The following SPON1 variants were observed in gnomAD, a reference collection of about 807,000 sequenced individuals.
SPON1 encodes spondin-1.
SPON1 carries 52 observed loss-of-function variants against 111.7 expected under a neutral mutation model. That is an observed-to-expected ratio of 0.47 (90% CI 0.37 to 0.59). The LOEUF is 0.59. SPON1 is among the 20% of genes least tolerant of loss of function. The pLI is 0.00. For missense variants in SPON1, 957 were observed against 1,068.5 expected (o/e 0.90, Z 1.46); for synonymous variants, 410 against 395.8 (o/e 1.04, Z -0.43).
chr11:14,107,590 G>GAAAAAAAAAAAAAA (rs3047369), intron 5 of SPON1, among the ~76,000 whole-genome samples: 6 of 119,268 alleles, frequency 5.0e-5, no homozygotes, highest in Non-Finnish European at 8.8e-5. Flanking sequence ...AGATCCTCAG[G>GAAAAAAAAAAAAAA]AAAAAAAAAA....
chr11:14,062,944 C>T (rs1322785519), intron 3 of SPON1, among the ~76,000 whole-genome samples: 1 of 152,032 alleles, frequency 6.6e-6, no homozygotes, highest in East Asian at 1.9e-4. Flanking sequence ...GTGGCAACTA[C>T]CTGGTTTTGC....
chr11:13,987,176 A>T (rs1372202338), intron 2 of SPON1, among the ~76,000 whole-genome samples: 1 of 152,214 alleles, frequency 6.6e-6, no homozygotes, highest in Non-Finnish European at 1.5e-5. Context: ...TTACACTCCC[A>T]CCAACAGTGT....
At chr11:14,261,138 C>G (rs1849166455) in intron 14 of SPON1, among the ~76,000 whole-genome samples, 1 of 152,266 alleles carries the variant, frequency 6.6e-6, no homozygotes, top group South Asian at 2.1e-4. Context: ...TTCCCCATGA[C>G]CAGAGGCTGG....
At chr11:13,965,471 T>A (rs1848009230) in intron 1 of SPON1, among the ~76,000 whole-genome samples, 1 of 152,116 alleles carries the variant, frequency 6.6e-6, no homozygotes, top group Admixed American at 6.5e-5. Flanking sequence ...CCAAAGAGGT[T>A]TCAGAACTAC....
chr11:14,005,929 G>A (rs1848357425), intron 2 of SPON1, among the ~76,000 whole-genome samples: 1 of 152,022 alleles, frequency 6.6e-6, no homozygotes, highest in Admixed American at 6.5e-5. Context: ...TGGAAAAGGG[G>A]AATAATAATA....
chr11:14,172,634 T>C (rs1332411006), intron 6 of SPON1, among the ~76,000 whole-genome samples: 1 of 151,974 alleles, frequency 6.6e-6, no homozygotes, highest in East Asian at 1.9e-4. Context: ...CTGGTACCAG[T>C]TGTTCCTTTC....
chr11:14,091,645 C>A (rs1849059018), intron 5 of SPON1, among the ~76,000 whole-genome samples: 1 of 152,206 alleles, frequency 6.6e-6, no homozygotes, highest in Non-Finnish European at 1.5e-5. Context: ...CAAGCCCACG[C>A]CCACCCAGAA....
chr11:14,010,041 C>G (rs1564885003), intron 2 of SPON1, among the ~76,000 whole-genome samples: 1 of 152,164 alleles, frequency 6.6e-6, no homozygotes, highest in Non-Finnish European at 1.5e-5. Context: ...AGCATACTGT[C>G]TGACACACAG....
intron 7 of SPON1, among the ~76,000 whole-genome samples, chr11:14,245,782 G>A (rs1848982747): frequency 6.6e-6 from 1 of 152,182 alleles, no homozygotes; most frequent in Non-Finnish European, 1.5e-5. Flanking sequence ...GCTCACACCA[G>A]GGCAGGAGAA....
chr11:14,070,280 CAGT>C (rs1848865089), intron 3 of SPON1, among the ~76,000 whole-genome samples: 1 of 152,170 alleles, frequency 6.6e-6, no homozygotes, highest in East Asian at 1.9e-4. Context: ...AAGAAATATT[CAGT>C]AATAAGGATT....
chr11:14,030,627 G>A (rs1420965155), intron 2 of SPON1, among the ~76,000 whole-genome samples: 2 of 152,220 alleles, frequency 1.3e-5, no homozygotes, highest in Non-Finnish European at 2.9e-5. Context: ...TGCTAGTTCA[G>A]AGACATGCAA....
At chr11:14,129,231 C>T (rs1847499019) in intron 5 of SPON1, among the ~76,000 whole-genome samples, 1 of 152,154 alleles carries the variant, frequency 6.6e-6, no homozygotes, top group Non-Finnish European at 1.5e-5. Context: ...GCCCTGCTTC[C>T]CTTTTAAACA....
chr11:14,138,557 T>TG, intron 6 of SPON1, among the ~76,000 whole-genome samples: 1 of 151,586 alleles, frequency 6.6e-6, no homozygotes, highest in Non-Finnish European at 1.5e-5. Context: ...CCAGGACACC[T>TG]GGGGACTGGG....
At chr11:14,042,943 A>G (rs1591359713) in intron 3 of SPON1, among the ~76,000 whole-genome samples, 1 of 152,164 alleles carries the variant, frequency 6.6e-6, no homozygotes, top group Non-Finnish European at 1.5e-5. Flanking sequence ...TTCTTAGTTT[A>G]ATGCAAGCTG....
At chr11:14,038,034 C>G (rs1055990708) in intron 2 of SPON1, among the ~76,000 whole-genome samples, 1 of 150,420 alleles carries the variant, frequency 6.6e-6, no homozygotes, top group Non-Finnish European at 1.5e-5. Context: ...GGTGTAGTGG[C>G]ACACACCTGT....
intron 3 of SPON1, among the ~76,000 whole-genome samples, chr11:14,073,545 C>A (rs1554921125): frequency 6.6e-6 from 1 of 152,190 alleles, no homozygotes; most frequent in African/African-American, 2.4e-5. Flanking sequence ...CTGTCTCCTC[C>A]CTTCCACTTG....
chr11:14,135,031 C>G lies in SPON1; in HGVS notation c.677-389C>G, dbSNP rs1183332207. The stretch of plus-strand genomic sequence containing the variant: ...GAATGCACCCAATCTTGTCTGATCT[C>G]AGAAGCTAAGCAGGGTCAAGCCTGG... On this transcript the variant is annotated intron_variant, in intron 5 of 15. Transcript: ENST00000576479. The surrounding 1 kb of genome is among the most constrained non-coding windows in gnomAD (Gnocchi z 4.4). 1 of 160,840 alleles carries G rather than the reference C, an allele frequency of 6.2e-6. No homozygotes were observed. The highest frequency in any genetic ancestry group is 1.4e-5 in the Non-Finnish European group (1 of 73,502). The allele number at this position is 160,840 out of a possible 1,614,324, so 10.0% of individuals were successfully genotyped here. A position where few individuals can be genotyped will look rare whatever the true frequency, so the allele number is the denominator to read the frequency against.
rs1554907648 is a variant in SPON1 at position 13,962,975 on chromosome 11, C to T, written c.71C>T (p.Ala24Val). The T allele has an allele frequency of 5.6e-6, 9 of 1,593,792 alleles. No homozygotes were observed. The highest frequency in any genetic ancestry group is 7.7e-6 in the Non-Finnish European group (9 of 1,171,802). The change falls in exon 1 of 16, where the codon GCC (alanine) becomes GTC (valine). Residue 24 changes from alanine (A) to valine (V), a missense_variant. By Grantham distance (64) the Ala-to-Val change is moderately conservative. Transcript: ENST00000576479. ...CTGCTGGCCCTGGCGCTGCCCCTGG[C>T]CGCGGCGCTGGCCTTCTCCGACGAG... ...PALLALALPL[A>V]AALAFSDETL...
intron 5 of SPON1, among the ~76,000 whole-genome samples, chr11:14,131,963 T>C (rs143949354): frequency 6.6e-6 from 1 of 152,360 alleles, no homozygotes; most frequent in East Asian, 1.9e-4. Context: ...TGTTATTTGG[T>C]TGATGTCATT....
Sources: gnomAD v4.1 joint callset for allele counts (sites outside exome capture counted in the v4.1 genomes callset) on GRCh38, gnomAD v4.1.1 for gene constraint, Gnocchi (gnomAD v3.1) non-coding constraint, MANE v1.5 for transcripts, NCBI Gene and HGNC (gene_info 2026-07-23, HGNC 2026-07-21) for gene names.